The following STK3 variants were observed in gnomAD, a reference collection of about 807,000 sequenced individuals.
The protein encoded by STK3 is serine/threonine kinase 3.
A neutral mutation model predicts 58.0 loss-of-function variants in STK3; 41 were observed. The ratio of observed to expected loss-of-function variants is 0.71; its 90% CI spans 0.55 to 0.92. The LOEUF (loss-of-function observed/expected upper bound fraction) is 0.92. Among genes scored for constraint, STK3 ranks in the 40% least tolerant of loss-of-function variants. The pLI is 0.00. For synonymous variants in STK3, 170 were observed against 191.0 expected (o/e 0.89, Z 0.91); for missense variants, 479 against 602.7 (o/e 0.79, Z 2.15).
chr8:98,389,502 A>T (rs1817826447), upstream of STK3, among the ~76,000 whole-genome samples: 1 of 152,180 alleles, frequency 6.6e-6, no homozygotes, highest in African/African-American at 2.4e-5. Flanking sequence ...AGCTTAACTG[A>T]AGACAAATTA....
intron 6 of STK3, among the ~76,000 whole-genome samples, chr8:98,605,865 A>G (rs183136023): frequency 2.7e-4 from 41 of 152,278 alleles, no homozygotes; most frequent in African/African-American, 9.6e-4. Context: ...GTGAGTTATC[A>G]TAAGATGTGG....
Position 98,883,880 on chromosome 8 carries a change from C to T in STK3, c.-78-46G>A, listed in dbSNP as rs1298937649. ...ACTCCTTAGTTCAGTCAACTGAAGC[C>T]AGAGGGGCAGTCACATACAAATAGG... On this transcript the variant is annotated intron_variant, in intron 1 of 1. Transcript: ENST00000519420. The T allele has an allele frequency of 5.9e-5, 35 of 589,958 alleles. No individual in the cohort carries two copies. The East Asian group carries it at 9.8e-4, about 16-fold the overall frequency. The allele number at this position is 589,958 out of a possible 1,614,324, so 36.5% of individuals were successfully genotyped here.
intron 8 of STK3, among the ~76,000 whole-genome samples, chr8:98,572,488 T>C (rs530788321): frequency 7.5e-4 from 115 of 152,352 alleles, no homozygotes; most frequent in Middle Eastern, 3.4e-3. Context: ...GTATATGTAA[T>C]TCAATTTAAG....
chr8:98,863,827 A>G (rs1837022324), intron 3 of STK3, among the ~76,000 whole-genome samples: 1 of 152,134 alleles, frequency 6.6e-6, no homozygotes. Flanking sequence ...CTTCCTTGCA[A>G]ATAAGATCAG....
intron 3 of STK3, among the ~76,000 whole-genome samples, chr8:98,404,414 C>T (rs1817973749): frequency 6.6e-6 from 1 of 152,090 alleles, no homozygotes; most frequent in Non-Finnish European, 1.5e-5. Context: ...GGTGTGGTGG[C>T]TCACGCCTGT....
chr8:98,794,092 A>T (rs771004766), intron 1 of STK3, among the ~76,000 whole-genome samples: 3 of 152,182 alleles, frequency 2.0e-5, no homozygotes, highest in Non-Finnish European at 2.9e-5. Context: ...AATCAGAAAA[A>T]TCTCAAATCA....
intron 6 of STK3, among the ~76,000 whole-genome samples, chr8:98,618,605 C>T (rs1817979578): frequency 6.8e-6 from 1 of 146,424 alleles, no homozygotes; most frequent in Non-Finnish European, 1.5e-5. Context: ...TGATAAGCAA[C>T]TTCAGCAAAG....
chr8:98,772,506 C>A (rs916829381), intron 2 of STK3, among the ~76,000 whole-genome samples: 2 of 151,986 alleles, frequency 1.3e-5, no homozygotes, highest in Non-Finnish European at 2.9e-5. Context: ...CAAGACCAGC[C>A]TGGCCAACAT....
chr8:98,511,966 T>A (rs1250580066), intron 10 of STK3, among the ~76,000 whole-genome samples: 1 of 152,128 alleles, frequency 6.6e-6, no homozygotes, highest in Non-Finnish European at 1.5e-5. Context: ...AATTTTTTTT[T>A]TAAATTTTTT....
intron 1 of STK3, among the ~76,000 whole-genome samples, chr8:98,379,796 G>A (rs1053184717): frequency 2.6e-5 from 4 of 152,162 alleles, no homozygotes; most frequent in Non-Finnish European, 5.9e-5. Flanking sequence ...CCACTTCTGG[G>A]TATTTATCCA....
At chr8:98,628,819 C>CAAAAA (rs10571679) in intron 6 of STK3, among the ~76,000 whole-genome samples, 1 of 64,154 alleles carries the variant, frequency 1.6e-5, no homozygotes, top group Non-Finnish European at 2.8e-5. Flanking sequence ...CTCCACACTC[C>CAAAAA]AAAAAAAAAA....
chr8:98,630,679 G>GAGGAGAAGGAGAAGGAGGAGAAGT (rs1819128763), intron 6 of STK3, among the ~76,000 whole-genome samples: 2 of 149,750 alleles, frequency 1.3e-5, no homozygotes, highest in South Asian at 4.3e-4. Context: ...GGAGGAGAAG[G>GAGGAGAAGGAGAAGGAGGAGAAGT]AGGAGAAGGA....
intron 6 of STK3, among the ~76,000 whole-genome samples, chr8:98,643,256 C>A (rs887418694): frequency 6.6e-6 from 1 of 152,060 alleles, no homozygotes; most frequent in Non-Finnish European, 1.5e-5. Flanking sequence ...CACAATTAAA[C>A]AAAAAATAAA....
At chr8:98,590,024 G>A (rs1017404623) in intron 7 of STK3, among the ~76,000 whole-genome samples, 1 of 152,194 alleles carries the variant, frequency 6.6e-6, no homozygotes, top group African/African-American at 2.4e-5. Context: ...GATGAACCGG[G>A]TACCTCAGAT....
intron 6 of STK3, among the ~76,000 whole-genome samples, chr8:98,696,980 C>T (rs1450527715): frequency 6.6e-6 from 1 of 152,150 alleles, no homozygotes; most frequent in East Asian, 1.9e-4. Flanking sequence ...GTGAATCCAT[C>T]TGGTCCTGGA....
At chr8:98,351,662 C>T in the STK3 span, among the ~76,000 whole-genome samples, 6 of 152,082 alleles carry the variant, frequency 3.9e-5, no homozygotes, top group Admixed American at 1.3e-4. Context: ...TCTGCAACCC[C>T]CACCTCCATT....
chr8:98,461,523 C>T (rs1260611718), intron 10 of STK3, among the ~76,000 whole-genome samples: 6 of 152,110 alleles, frequency 3.9e-5, no homozygotes, highest in East Asian at 3.8e-4. Flanking sequence ...CCAGTCATCA[C>T]GTTGGTTGTT....
At chr8:98,586,705 A>G (rs560437815) in intron 7 of STK3, among the ~76,000 whole-genome samples, 3 of 151,610 alleles carry the variant, frequency 2.0e-5, no homozygotes, top group Non-Finnish European at 2.9e-5. Flanking sequence ...TGGTAGAATT[A>G]GGCTGTGAAT....
Position 98,719,832 on chromosome 8 carries a change from T to A in STK3, c.352-12521A>T, listed in dbSNP as rs538205493. Among the ~76,000 whole-genome samples, 4 of 152,342 alleles carry A rather than the reference T, an allele frequency of 2.6e-5. No homozygotes were observed. In the East Asian group the frequency reaches 7.7e-4, roughly 29 times the overall value. On this transcript the variant is annotated intron_variant, in intron 4 of 10. Coordinates refer to ENST00000419617, the MANE Select transcript of STK3 (RefSeq NM_006281.4). ...GACAAGAATATCTGAGGGCATAACCTGAATTTGGCTCTGAACTGTTAAAGG... is the reference window on the plus strand; with the variant it reads ...GACAAGAATATCTGAGGGCATAACCAGAATTTGGCTCTGAACTGTTAAAGG...
Sources: gnomAD v4.1 joint callset for allele counts (sites outside exome capture counted in the v4.1 genomes callset) on GRCh38, gnomAD v4.1.1 for gene constraint, MANE v1.5 for transcripts, NCBI Gene and HGNC (gene_info 2026-07-23, HGNC 2026-07-21) for gene names.